RBM20: variants seen among roughly 807,000 people sequenced by gnomAD.
The protein encoded by RBM20 is RNA-binding protein 20.
Under a neutral mutation model 110.1 loss-of-function variants are expected in RBM20, and 51 were observed. That is an observed-to-expected ratio of 0.46 (90% CI 0.37 to 0.59). RBM20 has a LOEUF of 0.59. Ranked by LOEUF, RBM20 falls within the 20% of genes least tolerant of loss-of-function variation. The probability of loss-of-function intolerance (pLI) is 0.00; values close to 1 mark genes in which losing one functional copy is unlikely to be tolerated. For missense variants in RBM20, 1,512 were observed against 1,574.9 expected, an observed-to-expected ratio of 0.96 and a Z score of 0.68; for synonymous variants, 589 against 618.2, an observed-to-expected ratio of 0.95 and a Z score of 0.70.
intron 1 of RBM20, among the ~76,000 whole-genome samples, chr10:110,661,783 G>T (rs1052174725): frequency 1.3e-5 from 2 of 152,168 alleles, no homozygotes; most frequent in African/African-American, 2.4e-5. Context: ...GCCGAGGTGG[G>T]TGGATCACCT....
chr10:110,672,074 T>G (rs941708020), intron 1 of RBM20, among the ~76,000 whole-genome samples: 2 of 151,342 alleles, frequency 1.3e-5, no homozygotes, highest in Non-Finnish European at 3.0e-5. Context: ...CTTCCTATCT[T>G]GTCCGATGAC....
chr10:110,666,498 T>C (rs1862181243), intron 1 of RBM20, among the ~76,000 whole-genome samples: 2 of 152,126 alleles, frequency 1.3e-5, no homozygotes, highest in African/African-American at 4.8e-5. Context: ...TTTAAAAAAT[T>C]AGCTGGCTGT....
chr10:110,731,187 C>T (rs1001652217), intron 1 of RBM20, among the ~76,000 whole-genome samples: 1 of 152,152 alleles, frequency 6.6e-6, no homozygotes, highest in Non-Finnish European at 1.5e-5. Flanking sequence ...TGGTTGTTAT[C>T]CACGTTGGGA....
At chr10:110,825,067 T>C (rs1590703821) in intron 12 of RBM20, among the ~76,000 whole-genome samples, 1 of 152,094 alleles carries the variant, frequency 6.6e-6, no homozygotes, top group East Asian at 1.9e-4. Flanking sequence ...AGGGATAAAT[T>C]TGCTGCACAG....
At chr10:110,785,601 TG>T (rs1307204804) in intron 5 of RBM20, among the ~76,000 whole-genome samples, 3 of 152,184 alleles carry the variant, frequency 2.0e-5, no homozygotes, top group Non-Finnish European at 2.9e-5. Context: ...TCATTGTTGT[TG>T]TCAAGCGTTT....
rs547820919 is a variant in RBM20 at position 110,803,042 on chromosome 10, G to A, written c.1800+3124G>A. Among the ~76,000 whole-genome samples the A allele has an allele frequency of 3.3e-5, 5 of 152,178 alleles. No individual in the cohort carries two copies. In the East Asian group the frequency reaches 7.7e-4, roughly 23 times the overall value. On this transcript the variant is annotated intron_variant, in intron 7 of 13. Transcript: ENST00000369519. The stretch of plus-strand genomic sequence containing the variant: ...TCACTGTACCCTGTGAAGTGTGTAG[G>A]GTGTATAATAGCAGTAATTATAAGA...
At chr10:110,643,621 T>C (rs886072137), upstream of RBM20, among the ~76,000 whole-genome samples, 3 of 152,166 alleles carry the variant, frequency 2.0e-5, no homozygotes, top group African/African-American at 7.2e-5. Context: ...GCTCGTGGGG[T>C]CGTGGCGGGG....
Position 110,812,918 on chromosome 10 carries a change from A to G in RBM20, c.2521A>G (p.Arg841Gly), listed in dbSNP as rs1421296217. 6.9e-7 allele frequency: 1 copy of G among 1,453,144 alleles called. No individual in the cohort carries two copies. The highest frequency in any genetic ancestry group is 1.4e-5 in the African/African-American group (1 of 69,782). 90.0% of individuals were successfully genotyped at this position (1,453,144 alleles called of 1,614,324 possible). A position where few individuals can be genotyped will look rare whatever the true frequency, so the allele number is the denominator to read the frequency against. ...TDRDQEGADDRKENTMAENEA... is the reference protein window; with the variant it reads ...TDRDQEGADDGKENTMAENEA... ...TAGAGACCAAGAAGGAGCTGATGATAGAAAAGAAAACACAATGGCAGAGAA... is the reference window on the plus strand; with the variant it reads ...TAGAGACCAAGAAGGAGCTGATGATGGAAAAGAAAACACAATGGCAGAGAA... Residue 841 changes from arginine (R) to glycine (G), a missense_variant, in exon 9 of 14, where the codon AGA (arginine) becomes GGA (glycine). Coordinates refer to ENST00000369519, the MANE Select transcript of RBM20 (RefSeq NM_001134363.3).
In RBM20 at chr10:110,781,586, C is replaced by G; in HGVS notation, c.977C>G (p.Ser326Trp). The G allele has an allele frequency of 6.4e-7, 1 of 1,551,656 alleles. No homozygotes were observed. Among genetic ancestry groups the G allele is most frequent in the Non-Finnish European group, 8.7e-7 (1 of 1,146,938 alleles). Residue 326 changes from serine (S) to tryptophan (W), a missense_variant, in exon 2 of 14, where the codon TCG becomes TGG. Coordinates refer to ENST00000369519, the MANE Select transcript of RBM20 (RefSeq NM_001134363.3). ...CAATGGGAGAGCCCCCATGGATTCT[C>G]GGGCCAAAGCAAGCCTGATCTCACA... ...NSQWESPHGF[S>W]GQSKPDLTAG... is the part of the protein sequence containing the mutation.
chr10:110,821,313 G>A lies in RBM20; in HGVS notation c.2694G>A (p.Glu898=), dbSNP rs1002843156. 1.3e-6 allele frequency: 2 copies of A among 1,551,590 alleles called. No individual in the cohort carries two copies. Among genetic ancestry groups the A allele is most frequent in the Non-Finnish European group, 1.7e-6 (2 of 1,146,936 alleles). ...DWESESEAEG[E]SWYPTNMEEL... is the part of the protein sequence containing the mutation. Reference sequence around the variant, plus strand: ...AGAGTGAAAGTGAGGCAGAGGGGGAGAGCTGGTATCCCACTAACATGGAGG... The same window carrying A: ...AGAGTGAAAGTGAGGCAGAGGGGGAAAGCTGGTATCCCACTAACATGGAGG... The change falls in exon 11 of 14, where the codon GAG becomes GAA. Residue 898 remains glutamate (E), a synonymous_variant. Coordinates refer to ENST00000369519, the MANE Select transcript of RBM20 (RefSeq NM_001134363.3).
At chr10:110,726,929 C>T (rs150107978) in intron 1 of RBM20, among the ~76,000 whole-genome samples, 1 of 152,166 alleles carries the variant, frequency 6.6e-6, no homozygotes, top group Non-Finnish European at 1.5e-5. Context: ...TCACTGCAAC[C>T]TCCGGCTCAT....
rs1158970043 is a variant in RBM20, at chr10:110,752,959, T to A, written c.192-27842T>A. Among the ~76,000 whole-genome samples, 11 of 139,904 alleles carry A rather than the reference T, an allele frequency of 7.9e-5. No homozygotes were observed. In the South Asian group the frequency reaches 1.3e-3, roughly 17 times the overall value. 91.8% of individuals were successfully genotyped at this position (139,904 alleles called of 152,430 possible). ...TATATATATATATTTTTTTTTTTTT[T>A]ATGAAGTCTCCCTCTGTTGCCCAGG... On this transcript the variant is annotated intron_variant, in intron 1 of 13. Coordinates refer to ENST00000369519, the MANE Select transcript of RBM20 (RefSeq NM_001134363.3).
At chr10:110,649,812 C>A (rs1189577681) in intron 1 of RBM20, among the ~76,000 whole-genome samples, 1 of 152,156 alleles carries the variant, frequency 6.6e-6, no homozygotes. Context: ...CAGAAAGGAG[C>A]ACACGGCAGT....
Position 110,719,173 on chromosome 10 carries a change from G to A in RBM20, c.192-61628G>A, listed in dbSNP as rs185360316. Among the ~76,000 whole-genome samples, 18 of 152,314 alleles carry A rather than the reference G, an allele frequency of 1.2e-4. No homozygotes were observed. The East Asian group carries it at 2.7e-3, about 23-fold the overall frequency. ...AAATGGTGTTCCAAAAAGGCTTTTC[G>A]GATTCAGACTCCCACCTGCAGAGCA... On this transcript the variant is annotated intron_variant, in intron 1 of 13. Coordinates refer to ENST00000369519, the MANE Select transcript of RBM20 (RefSeq NM_001134363.3).
Position 110,812,352 on chromosome 10 carries a change from T to G in RBM20, c.1955T>G (p.Phe652Cys). 1 of 1,551,598 alleles carries G rather than the reference T, an allele frequency of 6.4e-7. No homozygotes were observed. The highest frequency in any genetic ancestry group is 8.7e-7 in the Non-Finnish European group (1 of 1,146,990). Residue 652 changes from phenylalanine to cysteine, a missense_variant, in exon 9 of 14, where the codon TTC becomes TGC. Physicochemically the swap from Phe to Cys is radical, Grantham distance 205. This residue lies in a region of RBM20 where 1,149 missense variants were observed against 1,169.4 expected (regional missense o/e 0.98). Coordinates refer to ENST00000369519, the MANE Select transcript of RBM20 (RefSeq NM_001134363.3). ...TCCCCGAGGTCCCACACTCCCAGCT[T>G]CACCTCCTGCAGCTCTTCCCACAGC... ...SLSPRSHTPS[F>C]TSCSSSHSPP...
At chr10:110,827,017 A>G (rs568908192) in intron 12 of RBM20, among the ~76,000 whole-genome samples, 1 of 152,098 alleles carries the variant, frequency 6.6e-6, no homozygotes, top group Admixed American at 6.5e-5. Flanking sequence ...TACAGATTGT[A>G]TTTGTTAATA....
Position 110,838,042 on chromosome 10 carries a change from G to A in RBM20, c.*2064G>A, listed in dbSNP as rs1393803189. Reference sequence around the variant, plus strand: ...GAAAGAATAGCCAAATCCCCAAACAGGCCAGTTTTAACCAGCATGATGAAG... The same window carrying A: ...GAAAGAATAGCCAAATCCCCAAACAAGCCAGTTTTAACCAGCATGATGAAG... On this transcript the variant is annotated 3_prime_UTR_variant, in exon 14 of 14. Coordinates refer to ENST00000369519, the MANE Select transcript of RBM20 (RefSeq NM_001134363.3). 6.6e-6 allele frequency: 1 copy of A among 152,140 alleles called. No homozygotes were observed. Among genetic ancestry groups the A allele is most frequent in the East Asian group, 1.9e-4 (1 of 5,194 alleles). 9.4% of individuals were successfully genotyped at this position (152,140 alleles called of 1,614,324 possible).
chr10:110,833,154 AC>A (rs1845077800), intron 13 of RBM20, among the ~76,000 whole-genome samples: 1 of 151,512 alleles, frequency 6.6e-6, no homozygotes, highest in South Asian at 2.1e-4. Context: ...ACTTTGGGAG[AC>A]CGAGGCGGGT....
chr10:110,643,559 G>C (rs187158636), upstream of RBM20, among the ~76,000 whole-genome samples: 70 of 152,366 alleles, frequency 4.6e-4, no homozygotes, highest in African/African-American at 1.7e-3. Flanking sequence ...TTTCCACGGA[G>C]ATTTGGCCAA....
Sources: allele counts gnomAD v4.1 joint callset (sites outside exome capture counted in the v4.1 genomes callset), GRCh38; gene constraint gnomAD v4.1.1; regional missense constraint gnomAD v4.1.1; transcripts MANE v1.5; gene names NCBI Gene and HGNC (gene_info 2026-07-23, HGNC 2026-07-21).